The following WDR36 variants were observed in gnomAD, a reference collection of about 807,000 sequenced individuals.
The protein encoded by WDR36 is WD repeat domain 36, also known as WD repeat-containing protein 36.
WDR36 carries 63 observed loss-of-function variants against 112.7 expected under a neutral mutation model. The observed-to-expected ratio is 0.56, with a 90% CI of 0.46 to 0.69. The LOEUF (loss-of-function observed/expected upper bound fraction) is 0.69. Ranked by LOEUF, WDR36 falls within the 30% of genes least tolerant of loss-of-function variation. WDR36 has a pLI of 0.00. For missense variants in WDR36, 1,226 were observed against 1,070.3 expected, an observed-to-expected ratio of 1.15 and a Z score of -2.03; for synonymous variants, 410 against 362.2, an observed-to-expected ratio of 1.13 and a Z score of -1.50.
Position 111,103,793 on chromosome 5 carries a change from C to T in WDR36, c.605C>T (p.Ala202Val), listed in dbSNP as rs768951527. 2 of 1,610,644 alleles carry T rather than the reference C, an allele frequency of 1.2e-6. No homozygotes were observed. The highest frequency in any genetic ancestry group is 1.7e-6 in the Non-Finnish European group (2 of 1,177,864). Residue 202 changes from alanine to valine, a missense_variant, in exon 7 of 23, where the codon GCC becomes GTC. Ala to Val is a moderately conservative substitution (Grantham distance 64, BLOSUM62 0). Transcript: ENST00000513710. ...VGVTALQQAPAVDVVAIGLMS... is the reference protein window; with the variant it reads ...VGVTALQQAPVVDVVAIGLMS... ...GAATAATTTAATTTTTAGGCACCAG[C>T]CGTGGATGTTGTTGCTATTGGTCTT...
chr5:111,097,071 T>A lies in WDR36; in HGVS notation c.191-8T>A. On this transcript the variant is annotated splice_region_variant and splice_polypyrimidine_tract_variant and intron_variant, in intron 2 of 22. Transcript: ENST00000513710. ...TCCCTGTTTCTTTCATTTTGTATTT[T>A]CTGCTAGGTAATTCTGTTCCACAGG... 6.2e-7 allele frequency: 1 copy of A among 1,605,332 alleles called. No individual in the cohort carries two copies. The highest frequency in any genetic ancestry group is 8.5e-7 in the Non-Finnish European group (1 of 1,172,226).
chr5:111,121,027 A>G lies in WDR36; in HGVS notation c.2034A>G (p.Pro678=), dbSNP rs762528315. 27 of 1,613,526 alleles carry G rather than the reference A, an allele frequency of 1.7e-5. No individual in the cohort carries two copies. The highest frequency in any genetic ancestry group is 2.3e-5 in the Non-Finnish European group (27 of 1,179,578). ...AAGTATCAGAAGAAACAGTAGAACC[A>G]AGTGATGAATTGATAGAATATGATT... ...DVEVSEETVE[P]SDELIEYDSP... The change falls in exon 19 of 23, where the codon CCA becomes CCG. Residue 678 remains proline (P), a synonymous_variant. Transcript: ENST00000513710.
At chr5:111,101,942 A>G (rs936060845) in intron 5 of WDR36, among the ~76,000 whole-genome samples, 1 of 151,836 alleles carries the variant, frequency 6.6e-6, no homozygotes, top group Non-Finnish European at 1.5e-5. Flanking sequence ...AATTGAGAGC[A>G]GCATTACTGT....
chr5:111,123,063 C>T (rs777373659), intron 19 of WDR36, among the ~76,000 whole-genome samples: 8 of 151,752 alleles, frequency 5.3e-5, no homozygotes, highest in Non-Finnish European at 7.4e-5. Flanking sequence ...GAGCTGAGAT[C>T]GCACCACTTC....
chr5:111,097,042 A>G, intron 2 of WDR36, 37 bp from the exon 3 acceptor site: 1 of 1,516,680 alleles, frequency 6.6e-7, no homozygotes, highest in South Asian at 1.1e-5. Context: ...TAACATCTTA[A>G]AAATCCCTGT....
At chr5:111,099,463 G>GTTTTTTTT (rs67437234) in intron 4 of WDR36, among the ~76,000 whole-genome samples, 4 of 84,964 alleles carry the variant, frequency 4.7e-5, no homozygotes, top group Non-Finnish European at 9.9e-5. Flanking sequence ...TTTTTTTTTT[G>GTTTTTTTT]TTTTTTTTTT....
chr5:111,122,946 C>T (rs192595577), intron 19 of WDR36, among the ~76,000 whole-genome samples: 8 of 152,260 alleles, frequency 5.3e-5, no homozygotes, highest in Admixed American at 1.3e-4. Context: ...CCCATCTCTA[C>T]TATAAATACA....
At chr5:111,102,289 ATT>A in intron 5 of WDR36, 54 bp from the exon 6 acceptor site, 1 of 1,361,904 alleles carries the variant, frequency 7.3e-7, no homozygotes, top group Non-Finnish European at 1.0e-6. Context: ...TGTAGCTGAT[ATT>A]GTTTTCCTCC....
At chr5:111,121,213 A>G in intron 19 of WDR36, 72 bp downstream of exon 19, 6 of 1,546,644 alleles carry the variant, frequency 3.9e-6, no homozygotes, top group Non-Finnish European at 5.3e-6. Context: ...AGCAGAGAGA[A>G]CTTCTCCTAC....
rs34661294 is a variant in WDR36, at chr5:111,111,204, A to G, written c.1642A>G (p.Ile548Val). ...GGGACTCGCCTTGGATGACTTCTCC[A>G]TTAGTGTTCTGGACATAGAAACTAG... ...ILGLALDDFSISVLDIETRKI... is the reference protein window; with the variant it reads ...ILGLALDDFSVSVLDIETRKI... The change falls in exon 15 of 23, where the codon ATT (isoleucine) becomes GTT (valine). Residue 548 changes from isoleucine (I) to valine (V), a missense_variant. Physicochemically the swap from Ile to Val is conservative, Grantham distance 29. Coordinates refer to ENST00000513710, the MANE Select transcript of WDR36 (RefSeq NM_139281.3). 1,549 of 1,611,944 alleles carry G rather than the reference A, an allele frequency of 9.6e-4. 25 individuals carry two copies. In the African/African-American group the frequency reaches 0.019, roughly 19 times the overall value.
At chr5:111,113,175 C>T (rs374522476) in intron 16 of WDR36, 22 bp downstream of exon 16, 1 of 1,404,170 alleles carries the variant, frequency 7.1e-7, no homozygotes, top group Non-Finnish European at 1.0e-6. Flanking sequence ...TTTCTAATTC[C>T]CTAACCTCTA....
intron 2 of WDR36, among the ~76,000 whole-genome samples, chr5:111,096,561 G>A (rs755457857): frequency 1.3e-5 from 2 of 151,934 alleles, no homozygotes; most frequent in Admixed American, 6.6e-5. Flanking sequence ...AAAATTAGCC[G>A]GGTGTGGTGG....
In WDR36 at chr5:111,109,464, A is replaced by G. The variant is rs1300834034; in HGVS notation, c.1327-725A>G. ...TTGCTTAGTTAAATAAACCTTCATT[A>G]AATACTTTCTACTTAGTTTGTATAA... On this transcript the variant is annotated intron_variant, in intron 12 of 22. Coordinates refer to ENST00000513710, the MANE Select transcript of WDR36 (RefSeq NM_139281.3). Among the ~76,000 whole-genome samples the G allele has an allele frequency of 5.3e-5, 8 of 151,300 alleles. No homozygotes were observed. In the East Asian group the frequency reaches 1.5e-3, roughly 29 times the overall value.
chr5:111,093,110 A>G (rs1204169865), intron 1 of WDR36, among the ~76,000 whole-genome samples: 1 of 152,250 alleles, frequency 6.6e-6, no homozygotes, highest in African/African-American at 2.4e-5. Context: ...CAACTAACGC[A>G]AAGTGTCTGG....
At chr5:111,093,153 T>G (rs762181319) in intron 1 of WDR36, among the ~76,000 whole-genome samples, 4 of 152,252 alleles carry the variant, frequency 2.6e-5, no homozygotes, top group Non-Finnish European at 5.9e-5. Flanking sequence ...GCCGTTTCTT[T>G]GCAACATAGG....
chr5:111,124,040 A>G (rs1753624845), intron 20 of WDR36, 68 bp from the exon 21 acceptor site: 2 of 1,601,932 alleles, frequency 1.2e-6, no homozygotes, highest in Non-Finnish European at 1.7e-6. Context: ...ATAGCTTTTA[A>G]TTACAAACTA....
rs1274410857 is a variant in WDR36, at chr5:111,128,924, A to C, written c.*2041A>C. ...TATCCTCTGTAGAAGTAATAGTTTT[A>C]ACTCTCCTAGATCTTCTTTTAGAGT... On this transcript the variant is annotated 3_prime_UTR_variant, in exon 23 of 23. Transcript: ENST00000513710. 5.2e-6 allele frequency: 1 copy of C among 193,068 alleles called. No homozygotes were observed. The highest frequency in any genetic ancestry group is 1.1e-5 in the Non-Finnish European group (1 of 92,566). 12.0% of individuals were successfully genotyped at this position (193,068 alleles called of 1,614,324 possible).
Position 111,123,891 on chromosome 5 carries a change from T to C in WDR36, c.2235T>C (p.Tyr745=), listed in dbSNP as rs2112591526. Reference sequence around the variant, plus strand: ...CAATTCCTGGCCTTGTACCCAGATATGCTGCACCTGAACAAAATAATGATC... The same window carrying C: ...CAATTCCTGGCCTTGTACCCAGATACGCTGCACCTGAACAAAATAATGATC... ...IPTIPGLVPR[Y]AAPEQNNDPQ... Residue 745 remains tyrosine (Y), a synonymous_variant, in exon 20 of 23, where the codon TAT becomes TAC. Coordinates refer to ENST00000513710, the MANE Select transcript of WDR36 (RefSeq NM_139281.3). 6.2e-7 allele frequency: 1 copy of C among 1,613,884 alleles called. No individual in the cohort carries two copies. The highest frequency in any genetic ancestry group is 1.1e-5 in the South Asian group (1 of 91,078).
In WDR36 at chr5:111,095,191, C is replaced by T. The variant is rs190168175; in HGVS notation, c.190+244C>T. 31 of 487,794 alleles carry T rather than the reference C, an allele frequency of 6.4e-5. No homozygotes were observed. In the Admixed American group the frequency reaches 1.0e-3, roughly 16 times the overall value. 30.2% of individuals were successfully genotyped at this position (487,794 alleles called of 1,614,324 possible). A position where few individuals can be genotyped will look rare whatever the true frequency, so the allele number is the denominator to read the frequency against. ...TTCTTTGTGCTTCATGACATTGACACATTGACATTTTTGAAGAGTACAGGC... is the reference window on the plus strand; with the variant it reads ...TTCTTTGTGCTTCATGACATTGACATATTGACATTTTTGAAGAGTACAGGC... On this transcript the variant is annotated intron_variant, in intron 2 of 22. Transcript: ENST00000513710.
Sources: gnomAD v4.1 joint callset for allele counts (sites outside exome capture counted in the v4.1 genomes callset) on GRCh38, gnomAD v4.1.1 for gene constraint, MANE v1.5 for transcripts, NCBI Gene and HGNC (gene_info 2026-07-23, HGNC 2026-07-21) for gene names.